Variants in GRM7 observed in about 807,000 individuals in gnomAD.
The protein encoded by GRM7 is glutamate metabotropic receptor 7, also known as metabotropic glutamate receptor 7.
Under a neutral mutation model 84.5 loss-of-function variants are expected in GRM7, and 35 were observed. That is an observed-to-expected ratio of 0.41 (90% CI 0.32 to 0.55). The LOEUF (loss-of-function observed/expected upper bound fraction) is 0.55. Ranked by LOEUF, GRM7 falls within the 20% of genes least tolerant of loss-of-function variation. The pLI, the probability that GRM7 is intolerant of heterozygous loss-of-function variation, is 0.19. For missense variants in GRM7, 1,003 were observed against 1,194.6 expected (o/e 0.84, Z 2.36); for synonymous variants, 487 against 455.1 (o/e 1.07, Z -0.89).
chr3:7,107,143 C>T (rs1196225793), intron 1 of GRM7, among the ~76,000 whole-genome samples: 1 of 152,006 alleles, frequency 6.6e-6, no homozygotes. Flanking sequence ...TTTCATCCAG[C>T]AAACTGTTAC....
chr3:7,585,469 T>G (rs1005680228), intron 8 of GRM7, among the ~76,000 whole-genome samples: 4 of 152,116 alleles, frequency 2.6e-5, no homozygotes, highest in Non-Finnish European at 4.4e-5. Context: ...CTTTAGCAGG[T>G]AAATATCAAG....
intron 2 of GRM7, among the ~76,000 whole-genome samples, chr3:7,216,243 C>T (rs183029166): frequency 6.6e-6 from 1 of 152,190 alleles, no homozygotes; most frequent in Admixed American, 6.5e-5. Flanking sequence ...CTGCAGAAAG[C>T]AAAATATGTA....
intron 1 of GRM7, among the ~76,000 whole-genome samples, chr3:6,911,784 C>T (rs75570652): frequency 0.011 from 1,666 of 151,964 alleles, 21 homozygotes; most frequent in African/African-American, 0.038. Flanking sequence ...TTTATTTAAG[C>T]GAAGAGTAAA....
intron 4 of GRM7, among the ~76,000 whole-genome samples, chr3:7,406,385 A>T (rs1695678891): frequency 6.6e-6 from 1 of 152,070 alleles, no homozygotes; most frequent in South Asian, 2.1e-4. Flanking sequence ...CTGTAATCCC[A>T]GCTACTCCAG....
Position 7,736,757 on chromosome 3 carries a change from T to C in GRM7, c.2699-3600T>C, listed in dbSNP as rs572356599. Among the ~76,000 whole-genome samples the C allele has an allele frequency of 5.3e-5, 8 of 152,308 alleles. No homozygotes were observed. The South Asian group carries it at 1.5e-3, about 28-fold the overall frequency. On this transcript the variant is annotated intron_variant, in intron 9 of 9. Coordinates refer to ENST00000357716, the MANE Select transcript of GRM7 (RefSeq NM_000844.4). ...AAGATGTCAGTATGTCAAAGTGTTA[T>C]ATTCAGGGCTTATATAATATTTTGT...
intron 9 of GRM7, among the ~76,000 whole-genome samples, chr3:7,703,852 A>T (rs1701306534): frequency 6.6e-6 from 1 of 152,176 alleles, no homozygotes. Context: ...CTGTATCTTG[A>T]GGCCACATAC....
chr3:7,216,958 G>T (rs1696634632), intron 2 of GRM7, among the ~76,000 whole-genome samples: 1 of 152,182 alleles, frequency 6.6e-6, no homozygotes. Flanking sequence ...CTAAAGGGAA[G>T]TTTTTGTAGT....
chr3:7,206,971 C>T (rs185328713), intron 2 of GRM7, among the ~76,000 whole-genome samples: 6 of 151,908 alleles, frequency 3.9e-5, no homozygotes, highest in South Asian at 4.2e-4. Context: ...AAAATGAAGT[C>T]GGAGTTATGG....
chr3:6,998,342 C>T (rs1306865140), intron 1 of GRM7, among the ~76,000 whole-genome samples: 1 of 152,130 alleles, frequency 6.6e-6, no homozygotes, highest in Non-Finnish European at 1.5e-5. Flanking sequence ...GCTGTCATGA[C>T]CTTGGGCAGC....
chr3:6,983,653 A>T (rs1694285447), intron 1 of GRM7, among the ~76,000 whole-genome samples: 1 of 152,166 alleles, frequency 6.6e-6, no homozygotes, highest in African/African-American at 2.4e-5. Context: ...TTATTATGAG[A>T]TATTTTTGTT....
At chr3:7,107,294 T>C (rs1178123034) in intron 1 of GRM7, among the ~76,000 whole-genome samples, 1 of 152,056 alleles carries the variant, frequency 6.6e-6, no homozygotes, top group Non-Finnish European at 1.5e-5. Context: ...TGATGCCTAG[T>C]AGGAGCCTAA....
intron 2 of GRM7, among the ~76,000 whole-genome samples, chr3:7,196,361 T>A (rs192133342): frequency 3.3e-5 from 5 of 152,210 alleles, no homozygotes; most frequent in Admixed American, 2.6e-4. Context: ...AGAGTAATAT[T>A]TGGCCACTCA....
chr3:7,642,778 G>T (rs1481950024), intron 8 of GRM7, among the ~76,000 whole-genome samples: 3 of 152,078 alleles, frequency 2.0e-5, no homozygotes, highest in Non-Finnish European at 2.9e-5. Context: ...AAATTACAAG[G>T]TAGACATTCA....
intron 5 of GRM7, among the ~76,000 whole-genome samples, chr3:7,450,839 A>G (rs1310875847): frequency 2.0e-5 from 3 of 152,146 alleles, no homozygotes; most frequent in Non-Finnish European, 4.4e-5. Flanking sequence ...GGCATATGAG[A>G]TATTAATGGT....
chr3:7,064,607 T>C (rs11711000), intron 1 of GRM7, among the ~76,000 whole-genome samples: 62,390 of 146,080 alleles, frequency 0.43, 13,771 homozygotes, highest in African/African-American at 0.53. Context: ...TGATGGGCAT[T>C]TGCGTTGGTT....
chr3:7,349,518 T>C (rs1291157536), intron 4 of GRM7, among the ~76,000 whole-genome samples: 1 of 152,156 alleles, frequency 6.6e-6, no homozygotes, highest in Non-Finnish European at 1.5e-5. Flanking sequence ...GAAGAGAATA[T>C]ATTTTAACTT....
intron 1 of GRM7, among the ~76,000 whole-genome samples, chr3:7,122,938 C>T (rs968721684): frequency 6.8e-6 from 1 of 147,268 alleles, no homozygotes; most frequent in African/African-American, 2.6e-5. Flanking sequence ...GAACAACCTG[C>T]AGCTATAAAA....
At chr3:7,084,873 T>C (rs1559428894) in intron 1 of GRM7, among the ~76,000 whole-genome samples, 1 of 152,168 alleles carries the variant, frequency 6.6e-6, no homozygotes, top group African/African-American at 2.4e-5. Context: ...AAGTGAATTG[T>C]TAATTTTTTC....
chr3:7,491,042 T>C (rs987005482), intron 7 of GRM7, among the ~76,000 whole-genome samples: 1 of 152,024 alleles, frequency 6.6e-6, no homozygotes, highest in Admixed American at 6.5e-5. Flanking sequence ...GGAATATGTT[T>C]TGATGGTTCA....
Sources: gnomAD v4.1 joint callset for allele counts (sites outside exome capture counted in the v4.1 genomes callset) on GRCh38, gnomAD v4.1.1 for gene constraint, MANE v1.5 for transcripts, NCBI Gene and HGNC (gene_info 2026-07-23, HGNC 2026-07-21) for gene names.